The following GABBR2 variants were observed in gnomAD, a reference collection of about 807,000 sequenced individuals.
GABBR2 encodes gamma-aminobutyric acid type B receptor subunit 2.
In GABBR2, 23 loss-of-function variants were observed where a neutral mutation model predicts 105.6. The ratio of observed to expected loss-of-function variants is 0.22; its 90% CI spans 0.16 to 0.31. GABBR2 has a LOEUF of 0.31. Among genes scored for constraint, GABBR2 ranks in the 10% least tolerant of loss-of-function variants. The pLI, the probability that GABBR2 is intolerant of heterozygous loss-of-function variation, is 1.00. For synonymous variants in GABBR2, 478 were observed against 499.7 expected, an observed-to-expected ratio of 0.96 and a Z score of 0.58; for missense variants, 734 against 1,245.5, an observed-to-expected ratio of 0.59 and a Z score of 6.18.
chr9:98,422,743 C>T (rs1442982006), intron 7 of GABBR2, among the ~76,000 whole-genome samples: 5 of 150,772 alleles, frequency 3.3e-5, no homozygotes, highest in South Asian at 4.2e-4. Context: ...GTATATCTCC[C>T]AATGCTATCC....
intron 18 of GABBR2, among the ~76,000 whole-genome samples, chr9:98,291,081 T>A (rs776053575): frequency 1.1e-4 from 16 of 152,168 alleles, no homozygotes; most frequent in Non-Finnish European, 2.1e-4. Flanking sequence ...TACATTCCCA[T>A]AAACCCATTG....
chr9:98,615,374 G>C (rs1257028356), intron 1 of GABBR2, among the ~76,000 whole-genome samples: 1 of 152,240 alleles, frequency 6.6e-6, no homozygotes, highest in Admixed American at 6.5e-5. Context: ...AAAGGCATCA[G>C]CTGTTCCACA....
intron 1 of GABBR2, among the ~76,000 whole-genome samples, chr9:98,614,690 G>A (rs1283018107): frequency 3.3e-5 from 5 of 151,684 alleles, no homozygotes; most frequent in Non-Finnish European, 7.4e-5. Context: ...CAATAGAGAT[G>A]AGAAACATAG....
At position 98,306,584 on chromosome 9, in the gene GABBR2, A is replaced by T. The variant is rs1223050353; in HGVS notation, c.2005-239T>A. On this transcript the variant is annotated intron_variant, in intron 14 of 18. Transcript: ENST00000259455. This position sits in a 1 kb window ranked among gnomAD's most constrained non-coding sequence, Gnocchi z 5.4. ...TGTGACAGCTGTCCAGTTCTCCTGCACCCCTATGACTGGTTCATGCACAGA... is the reference window on the plus strand; with the variant it reads ...TGTGACAGCTGTCCAGTTCTCCTGCTCCCCTATGACTGGTTCATGCACAGA... 3.6e-6 allele frequency: 2 copies of T among 557,578 alleles called. No homozygotes were observed. The highest frequency in any genetic ancestry group is 6.5e-6 in the Non-Finnish European group (2 of 309,806). The allele number at this position is 557,578 out of a possible 1,614,324, so 34.5% of individuals were successfully genotyped here.
At chr9:98,305,350 A>G (rs1830534564) in intron 15 of GABBR2, among the ~76,000 whole-genome samples, 2 of 152,260 alleles carry the variant, frequency 1.3e-5, no homozygotes, top group Non-Finnish European at 2.9e-5. Context: ...AAACTGTGTT[A>G]TGCAGAAAAA....
intron 2 of GABBR2, among the ~76,000 whole-genome samples, chr9:98,555,309 A>C (rs2131754005): frequency 6.6e-6 from 1 of 152,362 alleles, no homozygotes; most frequent in Non-Finnish European, 1.5e-5. Flanking sequence ...GCTCAAACTC[A>C]AGTGGCTGCC....
intron 2 of GABBR2, among the ~76,000 whole-genome samples, chr9:98,546,055 A>C (rs1828394981): frequency 6.6e-6 from 1 of 152,122 alleles, no homozygotes. Flanking sequence ...GTTTTCTTAT[A>C]ATTTCTAGTT....
intron 4 of GABBR2, among the ~76,000 whole-genome samples, chr9:98,491,482 A>G (rs982610656): frequency 3.3e-5 from 5 of 151,990 alleles, no homozygotes; most frequent in African/African-American, 1.2e-4. Flanking sequence ...TCTGGTTTTC[A>G]TGTTTGTTTT....
chr9:98,390,061 T>A (rs1200408508), intron 9 of GABBR2, among the ~76,000 whole-genome samples: 2 of 152,084 alleles, frequency 1.3e-5, no homozygotes, highest in Non-Finnish European at 2.9e-5. Flanking sequence ...TGCTAGCAAG[T>A]TCAAATGTGT....
In GABBR2 at chr9:98,436,303, A is replaced by ATATATAT. The variant is rs1564068032; in HGVS notation, c.1236+17677_1236+17678insATATATA. On this transcript the variant is annotated intron_variant, in intron 7 of 18. Transcript: ENST00000259455. ...ACCATATATATATATATATATATAT[A>ATATATAT]CCCATAAATATACCATATATATATA... Among the ~76,000 whole-genome samples the ATATATAT allele has an allele frequency of 7.5e-4, 69 of 92,468 alleles. 2 individuals carry two copies. The highest frequency in any genetic ancestry group is 1.8e-3 in the South Asian group (5 of 2,754). The allele number at this position is 92,468 out of a possible 152,430, so 60.7% of individuals were successfully genotyped here.
At chr9:98,657,421 G>A (rs1275581665) in intron 1 of GABBR2, among the ~76,000 whole-genome samples, 1 of 152,206 alleles carries the variant, frequency 6.6e-6, no homozygotes, top group Non-Finnish European at 1.5e-5. Context: ...AGTGTGCCGT[G>A]GTCCATTTCC....
At chr9:98,322,105 T>C (rs1350679903) in intron 13 of GABBR2, among the ~76,000 whole-genome samples, 1 of 152,108 alleles carries the variant, frequency 6.6e-6, no homozygotes, top group Non-Finnish European at 1.5e-5. Flanking sequence ...GGTGGCCAGA[T>C]GCAGGGGATC....
chr9:98,640,853 C>G (rs1038087912), intron 1 of GABBR2, among the ~76,000 whole-genome samples: 1 of 152,136 alleles, frequency 6.6e-6, no homozygotes, highest in Admixed American at 6.5e-5. Flanking sequence ...ACGAGCTGAT[C>G]AGTAGGTCTG....
chr9:98,428,344 C>A (rs538071078), intron 7 of GABBR2, among the ~76,000 whole-genome samples: 2 of 152,108 alleles, frequency 1.3e-5, no homozygotes, highest in Non-Finnish European at 2.9e-5. Flanking sequence ...CATGGAGGGG[C>A]ACAGGTATTT....
At chr9:98,541,488 C>T (rs2808521) in intron 3 of GABBR2, among the ~76,000 whole-genome samples, 29,755 of 152,094 alleles carry the variant, frequency 0.2, 3,668 homozygotes, top group East Asian at 0.5. Context: ...TTGGCATCTT[C>T]GGTCCAAGCC....
intron 1 of GABBR2, among the ~76,000 whole-genome samples, chr9:98,648,114 T>TAGATAGATAGATAGATAGATAGATA (rs1345087108): frequency 1.3e-4 from 13 of 102,334 alleles, no homozygotes; most frequent in Non-Finnish European, 1.7e-4. Context: ...TGTGTGTGTG[T>TAGATAGATAGATAGATAGATAGATA]GTATAGATAG....
chr9:98,619,001 A>T (rs1331686779), intron 1 of GABBR2, among the ~76,000 whole-genome samples: 2 of 152,226 alleles, frequency 1.3e-5, no homozygotes, highest in Admixed American at 1.3e-4. Flanking sequence ...AACATTCAAT[A>T]AGAACATAAG....
rs142237527 is a variant in GABBR2 at position 98,294,073 on chromosome 9, G to A, written c.2543-171C>T. Among the ~76,000 whole-genome samples, 94 of 152,306 alleles carry A rather than the reference G, an allele frequency of 6.2e-4. 1 individual carries two copies. The highest frequency in any genetic ancestry group is 2.2e-3 in the African/African-American group (91 of 41,562). On this transcript the variant is annotated intron_variant, in intron 17 of 18. Transcript: ENST00000259455. ...GTAGTGGCTCTCCCGGGACCAAGGC[G>A]GTGAGCTGAGAAGCCTCCAGCAGTC...
chr9:98,566,798 C>CAAAAAAAAAAAAA (rs55752458), intron 2 of GABBR2, among the ~76,000 whole-genome samples: 2 of 88,206 alleles, frequency 2.3e-5, no homozygotes, highest in Admixed American at 1.3e-4. Context: ...AAGACACTGT[C>CAAAAAAAAAAAAA]AAAAAAAAAA....
Sources: gnomAD v4.1 joint callset for allele counts (sites outside exome capture counted in the v4.1 genomes callset) on GRCh38, gnomAD v4.1.1 for gene constraint, Gnocchi (gnomAD v3.1) non-coding constraint, MANE v1.5 for transcripts, NCBI Gene and HGNC (gene_info 2026-07-23, HGNC 2026-07-21) for gene names.